Variants in UNC5C observed in about 807,000 individuals in gnomAD.
UNC5C encodes netrin receptor UNC5C.
UNC5C carries 47 observed loss-of-function variants against 99.8 expected under a neutral mutation model. That is an observed-to-expected ratio of 0.47 (90% CI 0.37 to 0.60). The LOEUF is 0.60. Ranked by LOEUF, UNC5C falls within the 20% of genes least tolerant of loss-of-function variation. UNC5C has a pLI of 0.00. For synonymous variants in UNC5C, 487 were observed against 452.2 expected, an observed-to-expected ratio of 1.08 and a Z score of -0.98; for missense variants, 1,062 against 1,165.9, an observed-to-expected ratio of 0.91 and a Z score of 1.30.
intron 7 of UNC5C, among the ~76,000 whole-genome samples, chr4:95,220,865 T>G (rs927996013): frequency 2.6e-5 from 4 of 152,170 alleles, no homozygotes; most frequent in Non-Finnish European, 5.9e-5. Context: ...ACCCTGAGCT[T>G]CTCACGGTCC....
chr4:95,266,383 G>T (rs987939277), intron 4 of UNC5C, among the ~76,000 whole-genome samples: 1 of 152,156 alleles, frequency 6.6e-6, no homozygotes, highest in Non-Finnish European at 1.5e-5. Context: ...CTGGTACAGT[G>T]TTCTCAAAAT....
At chr4:95,225,177 C>T (rs1738637419) in intron 7 of UNC5C, among the ~76,000 whole-genome samples, 1 of 152,160 alleles carries the variant, frequency 6.6e-6, no homozygotes, top group South Asian at 2.1e-4. Flanking sequence ...CTGTCTCAGC[C>T]TCCCGAGTGG....
chr4:95,359,012 A>C (rs1320979312), intron 1 of UNC5C, among the ~76,000 whole-genome samples: 9 of 152,192 alleles, frequency 5.9e-5, no homozygotes, highest in Admixed American at 3.3e-4. Context: ...TTCATGTTGT[A>C]TTTGGAGGTA....
chr4:95,184,059 A>G (rs930101197), intron 13 of UNC5C, among the ~76,000 whole-genome samples: 1 of 152,248 alleles, frequency 6.6e-6, no homozygotes, highest in Non-Finnish European at 1.5e-5. Context: ...GGAGATTTAT[A>G]GTATTTTATG....
chr4:95,530,315 A>T (rs1206608448), intron 1 of UNC5C, among the ~76,000 whole-genome samples: 1 of 152,218 alleles, frequency 6.6e-6, no homozygotes. Flanking sequence ...CCAAAAATAT[A>T]TGCTAAGCAC....
At chr4:95,521,278 C>T (rs192946291) in intron 1 of UNC5C, among the ~76,000 whole-genome samples, 85 of 142,078 alleles carry the variant, frequency 6.0e-4, no homozygotes, top group Non-Finnish European at 8.7e-4. Context: ...AGTGCAATGG[C>T]GTGAATCTCA....
chr4:95,414,389 G>C (rs1746099585), intron 1 of UNC5C, among the ~76,000 whole-genome samples: 1 of 152,194 alleles, frequency 6.6e-6, no homozygotes, highest in Admixed American at 6.5e-5. Context: ...GCTTGCCAGT[G>C]TCCCCAGACA....
intron 12 of UNC5C, among the ~76,000 whole-genome samples, chr4:95,189,125 C>A (rs959837828): frequency 1.3e-5 from 2 of 152,186 alleles, no homozygotes; most frequent in Non-Finnish European, 2.9e-5. Flanking sequence ...TTCTCAGAAA[C>A]CTGAACGTCA....
intron 4 of UNC5C, among the ~76,000 whole-genome samples, chr4:95,268,899 A>C (rs1740552601): frequency 6.6e-6 from 1 of 152,240 alleles, no homozygotes; most frequent in Admixed American, 6.5e-5. Context: ...GATTTAGCCT[A>C]GAATCCTTGT....
In UNC5C at chr4:95,262,010, T is replaced by G. The variant is rs376959539; in HGVS notation, c.595-11343A>C. On this transcript the variant is annotated intron_variant, in intron 4 of 15. Transcript: ENST00000453304. ...AGCCACTGCGCCCAGTCTGCATTCC[T>G]TCTTATAACTAATATCTCTAAGAAC... Among the ~76,000 whole-genome samples the G allele has an allele frequency of 6.6e-5, 10 of 152,194 alleles. No homozygotes were observed. In the East Asian group the frequency reaches 1.9e-3, roughly 29 times the overall value.
chr4:95,439,938 G>A lies in UNC5C; in HGVS notation c.125-104307C>T, dbSNP rs144477601. 5.8e-4 allele frequency among the ~76,000 whole-genome samples: 89 copies of A among 152,254 alleles called. 2 individuals carry two copies. In the East Asian group the frequency reaches 0.014, roughly 24 times the overall value. On this transcript the variant is annotated intron_variant, in intron 1 of 15. Transcript: ENST00000453304. Reference sequence around the variant, plus strand: ...TAGAAAAGGAGAGGAAAAAAAGAGAGAATACAGGAAGAGAGGACAAGCTAA... The same window carrying A: ...TAGAAAAGGAGAGGAAAAAAAGAGAAAATACAGGAAGAGAGGACAAGCTAA...
At chr4:95,413,794 G>C (rs374802525) in intron 1 of UNC5C, among the ~76,000 whole-genome samples, 93 of 152,286 alleles carry the variant, frequency 6.1e-4, no homozygotes, top group African/African-American at 1.9e-3. Flanking sequence ...ATATTCTATA[G>C]CAGCTACCTG....
chr4:95,258,314 G>A (rs1370692640), intron 4 of UNC5C, among the ~76,000 whole-genome samples: 1 of 152,152 alleles, frequency 6.6e-6, no homozygotes, highest in African/African-American at 2.4e-5. Flanking sequence ...TCATTTCAAT[G>A]CTTTTTGTTG....
At chr4:95,173,796 G>A (rs1391522441) in intron 14 of UNC5C, among the ~76,000 whole-genome samples, 1 of 152,132 alleles carries the variant, frequency 6.6e-6, no homozygotes, top group Non-Finnish European at 1.5e-5. Flanking sequence ...CTATTGATTG[G>A]AATAGTTTCA....
chr4:95,274,285 C>G (rs900388756), intron 4 of UNC5C, among the ~76,000 whole-genome samples: 6 of 152,082 alleles, frequency 3.9e-5, no homozygotes, highest in African/African-American at 1.4e-4. Flanking sequence ...ACCCGCAGGC[C>G]CTGGCTGGCT....
In UNC5C at chr4:95,246,284, C is replaced by T. The variant is rs114938869; in HGVS notation, c.776-1140G>A. Among the ~76,000 whole-genome samples the T allele has an allele frequency of 8.6e-3, 1,311 of 152,246 alleles. 23 individuals are homozygous for T. Among genetic ancestry groups the T allele is most frequent in the African/African-American group, 0.03 (1,240 of 41,536 alleles). On this transcript the variant is annotated intron_variant, in intron 5 of 15. Coordinates refer to ENST00000453304, the MANE Select transcript of UNC5C (RefSeq NM_003728.4). ...ATTTAATAATTCATGAGGCTGGGTG[C>T]AGTGGCTCATGCTTGTAACCCAAGC...
intron 1 of UNC5C, among the ~76,000 whole-genome samples, chr4:95,357,545 G>A (rs1744251937): frequency 6.6e-6 from 1 of 152,100 alleles, no homozygotes; most frequent in Non-Finnish European, 1.5e-5. Context: ...CACTTTGGGA[G>A]GCTGAGGCCA....
chr4:95,540,145 C>T (rs369571424), intron 1 of UNC5C, among the ~76,000 whole-genome samples: 5 of 152,232 alleles, frequency 3.3e-5, no homozygotes, highest in South Asian at 4.2e-4. Context: ...CAAGCACATC[C>T]TGCCCAAATA....
At chr4:95,426,158 C>G (rs1295238072) in intron 1 of UNC5C, among the ~76,000 whole-genome samples, 1 of 152,204 alleles carries the variant, frequency 6.6e-6, no homozygotes, top group Non-Finnish European at 1.5e-5. Flanking sequence ...CTTCATATCT[C>G]TATGTCACAT....
Sources: gnomAD v4.1 joint callset for allele counts (sites outside exome capture counted in the v4.1 genomes callset) on GRCh38, gnomAD v4.1.1 for gene constraint, MANE v1.5 for transcripts, NCBI Gene and HGNC (gene_info 2026-07-23, HGNC 2026-07-21) for gene names.